Variants in ARL15 observed in about 807,000 individuals in gnomAD.
ARL15 encodes ARF like GTPase 15, also known as ADP-ribosylation factor-like protein 15.
ARL15 carries 19 observed loss-of-function variants against 25.2 expected under a neutral mutation model. The observed-to-expected ratio is 0.75, with a 90% confidence interval of 0.53 to 1.10. ARL15 has a LOEUF of 1.10. ARL15 is among the 50% of genes least tolerant of loss of function. The pLI is 0.00. For missense variants in ARL15, 220 were observed against 246.0 expected, an observed-to-expected ratio of 0.89 and a Z score of 0.71; for synonymous variants, 94 against 86.8, an observed-to-expected ratio of 1.08 and a Z score of -0.46.
Position 53,886,714 on chromosome 5 carries a change from C to A in ARL15, c.463-1G>T. The A allele has an allele frequency of 6.5e-7, 1 of 1,542,822 alleles. No individual in the cohort carries two copies. The highest frequency in any genetic ancestry group is 2.1e-5 in the Admixed American group (1 of 47,334). On this transcript the variant is annotated splice_acceptor_variant, in intron 4 of 4. Transcript: ENST00000504924. LOFTEE classifies it high-confidence loss of function. ...GTTCAAGTTCAAAATATTTTTTGAT[C>A]TTAAGAGGAAAAAATAAAGATAAAT... is the stretch of plus-strand genomic sequence containing the variant.
chr5:54,133,235 A>G (rs1437153336), intron 3 of ARL15, among the ~76,000 whole-genome samples: 1 of 152,238 alleles, frequency 6.6e-6, no homozygotes, highest in South Asian at 2.1e-4. Context: ...AGATCTGGGA[A>G]GTGCCTACCA....
At chr5:54,040,195 A>G (rs933154686) in intron 4 of ARL15, among the ~76,000 whole-genome samples, 15 of 152,208 alleles carry the variant, frequency 9.9e-5, no homozygotes, top group Non-Finnish European at 1.9e-4. Context: ...CACCAATGGC[A>G]CATTCTTCCT....
At chr5:53,922,523 T>C (rs998799870) in intron 4 of ARL15, among the ~76,000 whole-genome samples, 1 of 152,218 alleles carries the variant, frequency 6.6e-6, no homozygotes, top group Admixed American at 6.5e-5. Flanking sequence ...GAGTATGTCA[T>C]GGACACTAAC....
intron 1 of ARL15, among the ~76,000 whole-genome samples, chr5:54,228,591 G>A (rs1273198358): frequency 7.4e-6 from 1 of 134,344 alleles, no homozygotes; most frequent in African/African-American, 2.8e-5. Context: ...GAGTTTTTAT[G>A]AGGTTTTGCA....
At chr5:53,999,775 A>C (rs1448563449) in intron 4 of ARL15, among the ~76,000 whole-genome samples, 1 of 151,846 alleles carries the variant, frequency 6.6e-6, no homozygotes, top group African/African-American at 2.4e-5. Context: ...ACATGCCTGT[A>C]ATCTCAGCTA....
intron 4 of ARL15, among the ~76,000 whole-genome samples, chr5:54,100,891 T>G (rs892816474): frequency 6.6e-6 from 1 of 152,084 alleles, no homozygotes; most frequent in African/African-American, 2.4e-5. Flanking sequence ...AAAAGTGAAC[T>G]ACTTTTCACT....
chr5:54,079,864 G>A (rs557779516), intron 4 of ARL15, among the ~76,000 whole-genome samples: 57 of 152,020 alleles, frequency 3.7e-4, no homozygotes, highest in African/African-American at 1.3e-3. Flanking sequence ...CAGCCACTCA[G>A]GAGGCTGGGG....
At position 54,112,762 on chromosome 5, in the gene ARL15, A is replaced by C. The variant is rs151290395; in HGVS notation, c.462+440T>G. Reference sequence around the variant, plus strand: ...ATCAATTTTCAGCCTAGCAGATTACAGAATAGGATCCATTAATCCTAGTCA... The same window carrying C: ...ATCAATTTTCAGCCTAGCAGATTACCGAATAGGATCCATTAATCCTAGTCA... On this transcript the variant is annotated intron_variant, in intron 4 of 4. Transcript: ENST00000504924. 7.9e-4 allele frequency among the ~76,000 whole-genome samples: 121 copies of C among 152,320 alleles called. No individual in the cohort carries two copies. In the East Asian group the frequency reaches 0.022, roughly 28 times the overall value.
rs1745024370 is a variant in ARL15, at chr5:53,900,376, T to C, written c.463-13663A>G. 2.0e-5 allele frequency among the ~76,000 whole-genome samples: 3 copies of C among 152,212 alleles called. No individual in the cohort carries two copies. The South Asian group carries it at 6.2e-4, about 32-fold the overall frequency. On this transcript the variant is annotated intron_variant, in intron 4 of 4. Transcript: ENST00000504924. The stretch of plus-strand genomic sequence containing the variant: ...ATTATACTCTGCTTATAACAGGCAT[T>C]ATAAATAATTATTGTATAAATTAAT...
At chr5:53,947,167 GGTGT>G (rs3222349) in intron 4 of ARL15, among the ~76,000 whole-genome samples, 10,233 of 123,370 alleles carry the variant, frequency 0.083, 395 homozygotes, top group East Asian at 0.16. Context: ...AATAAATAAG[GGTGT>G]GTGTGTGTGT....
intron 4 of ARL15, among the ~76,000 whole-genome samples, chr5:53,955,036 A>G (rs1285308518): frequency 2.6e-5 from 4 of 151,694 alleles, no homozygotes; most frequent in East Asian, 3.9e-4. Flanking sequence ...TAACTTAATA[A>G]CAATGTCTTA....
chr5:53,896,965 CAGAT>C (rs1744893188), intron 4 of ARL15, among the ~76,000 whole-genome samples: 1 of 152,186 alleles, frequency 6.6e-6, no homozygotes, highest in Non-Finnish European at 1.5e-5. Context: ...TCTACTCACA[CAGAT>C]GGATACTCCC....
intron 4 of ARL15, among the ~76,000 whole-genome samples, chr5:53,977,540 C>G (rs1262994872): frequency 6.6e-6 from 1 of 152,022 alleles, no homozygotes; most frequent in Non-Finnish European, 1.5e-5. Flanking sequence ...TCATGAATAC[C>G]TGGTCTGAGT....
intron 3 of ARL15, among the ~76,000 whole-genome samples, chr5:54,140,699 A>G (rs1402859551): frequency 6.6e-6 from 1 of 152,214 alleles, no homozygotes; most frequent in Non-Finnish European, 1.5e-5. Context: ...GCAAATGGAA[A>G]ATAAAATTAC....
chr5:53,919,347 G>A lies in ARL15; in HGVS notation c.463-32634C>T, dbSNP rs527542624. 3.9e-5 allele frequency among the ~76,000 whole-genome samples: 6 copies of A among 152,314 alleles called. No homozygotes were observed. The South Asian group carries it at 6.2e-4, about 16-fold the overall frequency. On this transcript the variant is annotated intron_variant, in intron 4 of 4. Coordinates refer to ENST00000504924, the MANE Select transcript of ARL15 (RefSeq NM_019087.3). ...TGAATGCAGAATGGTTTGCAGAACC[G>A]TAAATAATCATGGTAGAATCTACAA...
intron 4 of ARL15, among the ~76,000 whole-genome samples, chr5:54,102,740 T>G (rs1752477199): frequency 6.6e-6 from 1 of 152,180 alleles, no homozygotes; most frequent in Non-Finnish European, 1.5e-5. Context: ...TGTACACAAG[T>G]TACCCAGATT....
chr5:54,297,806 G>A (rs140947640), intron 1 of ARL15, among the ~76,000 whole-genome samples: 1 of 151,766 alleles, frequency 6.6e-6, no homozygotes, highest in African/African-American at 2.4e-5. Context: ...TTTTTGAGAC[G>A]GAGTCTCGCT....
intron 4 of ARL15, among the ~76,000 whole-genome samples, chr5:53,889,903 C>T: frequency 6.6e-6 from 1 of 151,210 alleles, no homozygotes; most frequent in Non-Finnish European, 1.5e-5. Flanking sequence ...ACCTCTGCCT[C>T]CTGGGTTCAA....
At chr5:54,288,977 G>C (rs749313869) in intron 1 of ARL15, among the ~76,000 whole-genome samples, 2 of 152,184 alleles carry the variant, frequency 1.3e-5, no homozygotes, top group Non-Finnish European at 2.9e-5. Flanking sequence ...ATTTTGCAAG[G>C]AAGTAAGAGG....
Sources: allele counts gnomAD v4.1 joint callset (sites outside exome capture counted in the v4.1 genomes callset), GRCh38; gene constraint gnomAD v4.1.1; transcripts MANE v1.5; gene names NCBI Gene and HGNC (gene_info 2026-07-23, HGNC 2026-07-21).